Variants in PHF8 observed in about 807,000 individuals in gnomAD.
PHF8 encodes the protein PHD finger protein 8, also known as histone lysine demethylase PHF8.
A neutral mutation model predicts 74.4 loss-of-function variants in PHF8; 9 were observed. The observed-to-expected ratio is 0.12, with a 90% CI of 0.07 to 0.21. The LOEUF (loss-of-function observed/expected upper bound fraction) is 0.21, where lower values mean the gene tolerates loss of function less well. Ranked by LOEUF, PHF8 falls within the 10% of genes least tolerant of loss-of-function variation. The probability of loss-of-function intolerance (pLI) is 1.00; values close to 1 mark genes in which losing one functional copy is unlikely to be tolerated. For missense variants in PHF8, 478 were observed against 816.6 expected (o/e 0.59, Z 5.05); for synonymous variants, 311 against 316.6 (o/e 0.98, Z 0.19).
chrX:54,033,156 G>A (rs782162979), intron 2 of PHF8, among the ~76,000 whole-genome samples: 15 of 110,896 alleles, frequency 1.4e-4, no homozygotes, highest in Non-Finnish European at 2.3e-4. Context: ...CCACCGGAGC[G>A]CAGTGTCTGA....
At chrX:54,021,669 C>T (rs1033342588) in intron 4 of PHF8, among the ~76,000 whole-genome samples, 5 of 107,100 alleles carry the variant, frequency 4.7e-5, no homozygotes, top group Non-Finnish European at 9.6e-5. Context: ...GGGGTTTCAC[C>T]GTTTTAGCCG....
chrX:54,018,801 G>C (rs1557108948), intron 4 of PHF8, among the ~76,000 whole-genome samples: 3 of 110,334 alleles, frequency 2.7e-5, no homozygotes, highest in African/African-American at 9.9e-5. Flanking sequence ...TGTATTTTTA[G>C]TAGATAGGGG....
chrX:53,995,162 A>G, intron 12 of PHF8: 2 of 342,370 alleles, frequency 5.8e-6, no homozygotes, highest in Non-Finnish European at 1.2e-5. Flanking sequence ...GGTATATGCC[A>G]CCTGTTGAAA....
At chrX:54,036,808 G>A (rs1477507978) in intron 2 of PHF8, among the ~76,000 whole-genome samples, 1 of 107,305 alleles carries the variant, frequency 9.3e-6, no homozygotes, top group Non-Finnish European at 1.9e-5. Flanking sequence ...AGACTAGCCT[G>A]GCCAACATGG....
At position 54,008,180 on chromosome X, in the gene PHF8, A is replaced by T. The variant is rs781956986; in HGVS notation, c.946+2942T>A. The stretch of plus-strand genomic sequence containing the variant: ...TCAACAGATTGAGACCATCCTGGCC[A>T]ACATGGTAAAACCCCGTCTCTACTA... On this transcript the variant is annotated intron_variant, in intron 8 of 21. Transcript: ENST00000338154. 1.8e-4 allele frequency among the ~76,000 whole-genome samples: 20 copies of T among 110,215 alleles called. 1 individual carries two copies. The highest frequency in any genetic ancestry group is 5.8e-4 in the Admixed American group (6 of 10,342).
intron 14 of PHF8, among the ~76,000 whole-genome samples, chrX:53,991,569 C>T (rs1015607900): frequency 3.9e-5 from 4 of 103,570 alleles, no homozygotes; most frequent in African/African-American, 7.2e-5. Flanking sequence ...GGCTGAGACA[C>T]GAGAATCACT....
chrX:54,005,164 A>G (rs903243529), intron 8 of PHF8, among the ~76,000 whole-genome samples: 4 of 110,717 alleles, frequency 3.6e-5, no homozygotes, highest in African/African-American at 1.3e-4. Flanking sequence ...GAGTCTAAAA[A>G]AGTATTTCAA....
Position 53,987,779 on chromosome X carries a change from C to T in PHF8, c.1896G>A (p.Leu632=). The T allele has an allele frequency of 8.3e-7, 1 of 1,197,702 alleles. No homozygotes were observed. The highest frequency in any genetic ancestry group is 1.1e-6 in the Non-Finnish European group (1 of 886,477). Residue 632 remains leucine, a synonymous_variant, in exon 15 of 22, where the codon CTG becomes CTA. Transcript: ENST00000338154. ...DERLGKEKAT[L]IIRPKFPRKL... ...ACAGACACACACTTGGTCTTATTAT[C>T]AGGGTCGCCTTCTCCTTTCCCAATC...
intron 2 of PHF8, among the ~76,000 whole-genome samples, chrX:54,032,163 A>G (rs2066370072): frequency 1.8e-5 from 2 of 111,090 alleles, no homozygotes. Flanking sequence ...CCCTATACCC[A>G]TGGTTTTTAA....
chrX:54,008,997 G>C (rs782154602), intron 8 of PHF8, among the ~76,000 whole-genome samples: 1 of 111,563 alleles, frequency 9.0e-6, no homozygotes, highest in African/African-American at 3.3e-5. Flanking sequence ...GCCAACATGG[G>C]TGAAACCCCA....
chrX:53,996,087 C>A (rs1317869823), intron 11 of PHF8, among the ~76,000 whole-genome samples: 1 of 111,042 alleles, frequency 9.0e-6, no homozygotes, highest in African/African-American at 3.3e-5. Flanking sequence ...CAACTCAACA[C>A]AAATTAGCAA....
At chrX:53,986,954 A>C in intron 16 of PHF8, 124 bp downstream of exon 16, 1 of 488,027 alleles carries the variant, frequency 2.0e-6, no homozygotes, top group Non-Finnish European at 3.7e-6. Flanking sequence ...TAATAAATAA[A>C]TTATTCAGGA....
chrX:53,949,158 C>A (rs1239182278), intron 19 of PHF8, among the ~76,000 whole-genome samples: 2 of 110,999 alleles, frequency 1.8e-5, no homozygotes, highest in African/African-American at 6.5e-5. Flanking sequence ...CATGGTGAAA[C>A]CCTGTCTCTA....
intron 6 of PHF8, among the ~76,000 whole-genome samples, chrX:54,015,597 A>G (rs77325153): frequency 1.9e-5 from 2 of 104,900 alleles, no homozygotes; most frequent in African/African-American, 6.9e-5. Context: ...AAAAAAAAAA[A>G]CACAACAGCA....
chrX:53,968,863 T>G (rs1785751043), intron 18 of PHF8, among the ~76,000 whole-genome samples: 1 of 111,151 alleles, frequency 9.0e-6, no homozygotes, highest in Non-Finnish European at 1.9e-5. Context: ...GAGCCAAGAT[T>G]GCGCCACTGC....
intron 4 of PHF8, among the ~76,000 whole-genome samples, chrX:54,019,977 G>C (rs1462440660): frequency 1.8e-5 from 2 of 109,840 alleles, no homozygotes; most frequent in Non-Finnish European, 3.8e-5. Context: ...CTGAAGTCAG[G>C]AGTTCAAGAC....
In PHF8 at chrX:53,995,738, G is replaced by A. The variant is rs185339852; in HGVS notation, c.1278C>T (p.Thr426=). 25 of 1,200,332 alleles carry A rather than the reference G, an allele frequency of 2.1e-5. No homozygotes were observed. In the East Asian group the frequency reaches 4.4e-4, roughly 21 times the overall value. ...HEDEIPETVR[T]VQLIKDLARE... is the part of the protein sequence containing the mutation. Reference sequence around the variant, plus strand: ...TGGCCAGATCTTTAATGAGCTGTACGGTTCGCACTGTCTCCGGGATCTCAT... The same window carrying A: ...TGGCCAGATCTTTAATGAGCTGTACAGTTCGCACTGTCTCCGGGATCTCAT... The change falls in exon 12 of 22, where the codon ACC becomes ACT. Residue 426 remains threonine, a synonymous_variant. Transcript: ENST00000338154.
At chrX:53,944,033 T>C (rs782621397) in intron 20 of PHF8, 101 bp downstream of exon 20, 38 of 533,858 alleles carry the variant, frequency 7.1e-5, no homozygotes, top group Middle Eastern at 5.0e-4. Flanking sequence ...TCAATCCCCA[T>C]TGAGACAAAG....
intron 18 of PHF8, among the ~76,000 whole-genome samples, chrX:53,969,327 G>C (rs1450423279): frequency 9.1e-6 from 1 of 110,035 alleles, no homozygotes; most frequent in Non-Finnish European, 1.9e-5. Flanking sequence ...TGCTAACAGT[G>C]AATGATCTAA....
Sources: allele counts gnomAD v4.1 joint callset (sites outside exome capture counted in the v4.1 genomes callset), GRCh38; gene constraint gnomAD v4.1.1; transcripts MANE v1.5; gene names NCBI Gene and HGNC (gene_info 2026-07-23, HGNC 2026-07-21).